Variants in BRAF observed in about 807,000 individuals in gnomAD.
BRAF encodes B-Raf proto-oncogene, serine/threonine kinase.
In BRAF, 16 loss-of-function variants were observed where a neutral mutation model predicts 104.6. That is an observed-to-expected ratio of 0.15 (90% CI 0.10 to 0.23). The LOEUF is 0.23. Ranked by LOEUF, BRAF falls within the 10% of genes least tolerant of loss-of-function variation. BRAF has a pLI of 1.00. For missense variants in BRAF, 541 were observed against 937.3 expected, an observed-to-expected ratio of 0.58 and a Z score of 5.52; for synonymous variants, 310 against 341.6, an observed-to-expected ratio of 0.91 and a Z score of 1.02.
chr7:140,769,711 G>A (rs1198997366), intron 14 of BRAF, among the ~76,000 whole-genome samples: 1 of 151,930 alleles, frequency 6.6e-6, no homozygotes, highest in East Asian at 1.9e-4. Flanking sequence ...TTTTCAATAA[G>A]TTTTTCTTTT....
chr7:140,752,359 C>T (rs73489562), intron 16 of BRAF, among the ~76,000 whole-genome samples: 17,365 of 152,128 alleles, frequency 0.11, 1,231 homozygotes, highest in African/African-American at 0.2. Context: ...TCTGGCTTAA[C>T]AGCAGCCAGC....
chr7:140,868,803 A>T (rs181435497), intron 1 of BRAF, among the ~76,000 whole-genome samples: 132 of 152,358 alleles, frequency 8.7e-4, no homozygotes, highest in African/African-American at 3.1e-3. Flanking sequence ...TCTGGCTGCT[A>T]TACTGGAAAT....
At chr7:140,860,536 CAGAGGCTG>C (rs1290751393) in intron 1 of BRAF, among the ~76,000 whole-genome samples, 3 of 148,680 alleles carry the variant, frequency 2.0e-5, no homozygotes, top group African/African-American at 5.1e-5. Flanking sequence ...TCCCAGCTAA[CAGAGGCTG>C]AGAGGCTGAG....
intron 7 of BRAF, among the ~76,000 whole-genome samples, chr7:140,795,511 G>A (rs924656030): frequency 6.6e-6 from 1 of 152,048 alleles, no homozygotes; most frequent in East Asian, 1.9e-4. Context: ...ACAATGTTGA[G>A]GGAATAAAAA....
rs1795240098 is a variant in BRAF, at chr7:140,719,896, G to C, written c.*6598C>G. 9.4e-7 allele frequency: 1 copy of C among 1,062,566 alleles called. No individual in the cohort carries two copies. The highest frequency in any genetic ancestry group is 1.1e-6 in the Non-Finnish European group (1 of 877,540). The allele number at this position is 1,062,566 out of a possible 1,614,324, so 65.8% of individuals were successfully genotyped here. A position where few individuals can be genotyped will look rare whatever the true frequency, so the allele number is the denominator to read the frequency against. On this transcript the variant is annotated 3_prime_UTR_variant, in exon 20 of 20. Transcript: ENST00000644969. ...TAAACCCGAACCTTTGGCAGTAACAGAAAAGAGGAATGTGTGTGTGAGTCG... is the reference window on the plus strand; with the variant it reads ...TAAACCCGAACCTTTGGCAGTAACACAAAAGAGGAATGTGTGTGTGAGTCG...
chr7:140,912,212 C>T (rs1394942245), intron 1 of BRAF, among the ~76,000 whole-genome samples: 1 of 152,132 alleles, frequency 6.6e-6, no homozygotes, highest in African/African-American at 2.4e-5. Flanking sequence ...ATTTATGCTC[C>T]CATACTGCTG....
chr7:140,714,619 C>G (rs940583219), downstream of BRAF, among the ~76,000 whole-genome samples: 2 of 152,136 alleles, frequency 1.3e-5, no homozygotes, highest in African/African-American at 4.8e-5. Flanking sequence ...CCTTGGCTTC[C>G]CAAAGTGCTG....
chr7:140,829,790 TTTCCTG>T (rs909527683), intron 3 of BRAF, among the ~76,000 whole-genome samples: 2 of 152,208 alleles, frequency 1.3e-5, no homozygotes, highest in African/African-American at 4.8e-5. Flanking sequence ...CTGTTTTTGT[TTTCCTG>T]TTGACAGTCA....
chr7:140,719,904 G>GA lies in BRAF; in HGVS notation c.*6589dup. 1 of 1,062,654 alleles carries GA rather than the reference G, an allele frequency of 9.4e-7. No individual in the cohort carries two copies. The highest frequency in any genetic ancestry group is 4.6e-5 in the South Asian group (1 of 21,954). The allele number at this position is 1,062,654 out of a possible 1,614,324, so 65.8% of individuals were successfully genotyped here. A position where few individuals can be genotyped will look rare whatever the true frequency, so the allele number is the denominator to read the frequency against. ...AACCTTTGGCAGTAACAGAAAAGAG[G>GA]AATGTGTGTGTGAGTCGCCATAAGG... On this transcript the variant is annotated 3_prime_UTR_variant, in exon 20 of 20. Coordinates refer to ENST00000644969, the MANE Select transcript of BRAF (RefSeq NM_001374258.1).
chr7:140,751,736 A>G (rs1797808512), intron 16 of BRAF, among the ~76,000 whole-genome samples: 2 of 152,158 alleles, frequency 1.3e-5, no homozygotes, highest in South Asian at 2.1e-4. Context: ...ATAAGAAATC[A>G]CAGCTCAATT....
In BRAF at chr7:140,725,758, T is replaced by C. The variant is rs774993029; in HGVS notation, c.*736A>G. 6 of 1,059,346 alleles carry C rather than the reference T, an allele frequency of 5.7e-6. No homozygotes were observed. Among genetic ancestry groups the C allele is most frequent in the East Asian group, 1.0e-4 (2 of 19,526 alleles). 65.6% of individuals were successfully genotyped at this position (1,059,346 alleles called of 1,614,324 possible). On this transcript the variant is annotated 3_prime_UTR_variant, in exon 20 of 20. Transcript: ENST00000644969. Reference sequence around the variant, plus strand: ...CTGGACCCAATGAGAAAGAAGGCAATGTGTGCCAGCACTATCTAGCCTGCT... The same window carrying C: ...CTGGACCCAATGAGAAAGAAGGCAACGTGTGCCAGCACTATCTAGCCTGCT...
At chr7:140,778,422 A>T (rs1314009256) in intron 12 of BRAF, among the ~76,000 whole-genome samples, 1 of 152,192 alleles carries the variant, frequency 6.6e-6, no homozygotes, top group African/African-American at 2.4e-5. Context: ...TACTAACTGA[A>T]ACTGCAAGTA....
At position 140,906,087 on chromosome 7, in the gene BRAF, C is replaced by CAAAAAAAAAAAAA. The variant is rs61150735; in HGVS notation, c.138+18466_138+18478dup. ...TGGGCAACAGAGCGAGACTCCGTCT[C>CAAAAAAAAAAAAA]AAAAAAAAAAAAAAAAAAAAAGAAA... On this transcript the variant is annotated intron_variant, in intron 1 of 19. Transcript: ENST00000644969. 1.7e-3 allele frequency among the ~76,000 whole-genome samples: 75 copies of CAAAAAAAAAAAAA among 44,668 alleles called. 1 individual carries two copies. Among genetic ancestry groups the CAAAAAAAAAAAAA allele is most frequent in the African/African-American group, 3.9e-3 (39 of 9,884 alleles). The allele number at this position is 44,668 out of a possible 152,430, so 29.3% of individuals were successfully genotyped here. A position where few individuals can be genotyped will look rare whatever the true frequency, so the allele number is the denominator to read the frequency against.
chr7:140,889,459 T>TA (rs1813963387), intron 1 of BRAF, among the ~76,000 whole-genome samples: 1 of 152,168 alleles, frequency 6.6e-6, no homozygotes, highest in African/African-American at 2.4e-5. Context: ...GTAGTACACA[T>TA]ATAGCATAAA....
Position 140,783,003 on chromosome 7 carries a change from G to A in BRAF, c.1434+18C>T, listed in dbSNP as rs767847317. The stretch of plus-strand genomic sequence containing the variant: ...AGAAGAAAGAATTCAGAGAAAAAAA[G>A]ATATCATATACTCTTACCATTCGAT... On this transcript the variant is annotated intron_variant, in intron 11 of 19. Transcript: ENST00000644969. 3.7e-6 allele frequency: 6 copies of A among 1,612,150 alleles called. No individual in the cohort carries two copies. In the South Asian group the frequency reaches 6.6e-5, roughly 18 times the overall value.
chr7:140,783,233 G>A (rs2129026594), intron 10 of BRAF, 76 bp from the exon 10 acceptor site: 2 of 1,551,244 alleles, frequency 1.3e-6, no homozygotes, highest in South Asian at 2.3e-5. Flanking sequence ...GAAGGTTGGG[G>A]GATATTTAGA....
At chr7:140,752,994 C>T (rs1035140660) in intron 16 of BRAF, among the ~76,000 whole-genome samples, 4 of 151,044 alleles carry the variant, frequency 2.6e-5, no homozygotes, top group African/African-American at 9.8e-5. Flanking sequence ...TCAAAATATT[C>T]GTTTTAAGGG....
intron 17 of BRAF, among the ~76,000 whole-genome samples, chr7:140,747,734 A>T (rs1797467796): frequency 6.6e-6 from 1 of 152,226 alleles, no homozygotes; most frequent in African/African-American, 2.4e-5. Flanking sequence ...TTGAATAAAT[A>T]AGACTGTAAA....
intron 1 of BRAF, among the ~76,000 whole-genome samples, chr7:140,887,665 T>C (rs1038502472): frequency 1.3e-5 from 2 of 152,156 alleles, no homozygotes; most frequent in African/African-American, 4.8e-5. Flanking sequence ...ATAGGTAGGC[T>C]ACATTATTTA....
Sources: gnomAD v4.1 joint callset for allele counts (sites outside exome capture counted in the v4.1 genomes callset) on GRCh38, gnomAD v4.1.1 for gene constraint, MANE v1.5 for transcripts, NCBI Gene and HGNC (gene_info 2026-07-23, HGNC 2026-07-21) for gene names.